The following LPAR1 variants were observed in gnomAD, a reference collection of about 807,000 sequenced individuals.
The protein encoded by LPAR1 is LPA receptor 1.
In LPAR1, 5 loss-of-function variants were observed where a neutral mutation model predicts 23.8. That is an observed-to-expected ratio of 0.21 (90% CI 0.11 to 0.44). LPAR1 has a LOEUF of 0.44. Ranked by LOEUF, LPAR1 falls within the 20% of genes least tolerant of loss-of-function variation. LPAR1 has a pLI of 0.99. For synonymous variants in LPAR1, 160 were observed against 164.7 expected, an observed-to-expected ratio of 0.97 and a Z score of 0.22; for missense variants, 311 against 482.8, an observed-to-expected ratio of 0.64 and a Z score of 3.33.
At chr9:111,023,429 C>G (rs1308328355) in intron 2 of LPAR1, among the ~76,000 whole-genome samples, 1 of 152,216 alleles carries the variant, frequency 6.6e-6, no homozygotes, top group Non-Finnish European at 1.5e-5. Context: ...CTGAATCACC[C>G]CCAAAGTCAG....
At chr9:110,977,193 G>A (rs1761350490) in intron 2 of LPAR1, among the ~76,000 whole-genome samples, 1 of 152,180 alleles carries the variant, frequency 6.6e-6, no homozygotes, top group South Asian at 2.1e-4. Context: ...CTAGTTTAGA[G>A]CGATGGGGGC....
chr9:111,007,819 A>G (rs1441493941), intron 2 of LPAR1, among the ~76,000 whole-genome samples: 1 of 152,188 alleles, frequency 6.6e-6, no homozygotes, highest in Non-Finnish European at 1.5e-5. Context: ...CCTATTGAAG[A>G]CAATCATTAC....
chr9:110,880,605 C>G (rs1031092011), intron 5 of LPAR1, among the ~76,000 whole-genome samples: 8 of 152,156 alleles, frequency 5.3e-5, no homozygotes, highest in Admixed American at 5.2e-4. Flanking sequence ...TACAAAAGAA[C>G]CAGACATCCC....
At chr9:110,916,559 G>A (rs551780288) in intron 5 of LPAR1, among the ~76,000 whole-genome samples, 1 of 151,950 alleles carries the variant, frequency 6.6e-6, no homozygotes, top group Admixed American at 6.6e-5. Flanking sequence ...TTGTGACTCA[G>A]ACCCAGGTGG....
intron 2 of LPAR1, among the ~76,000 whole-genome samples, chr9:110,980,013 T>G (rs2096635964): frequency 6.6e-6 from 1 of 152,052 alleles, no homozygotes; most frequent in Non-Finnish European, 1.5e-5. Context: ...ACAAAAAATT[T>G]GCAGAAGAGG....
chr9:110,895,496 G>A (rs927964189), intron 5 of LPAR1, among the ~76,000 whole-genome samples: 7 of 152,218 alleles, frequency 4.6e-5, no homozygotes, highest in African/African-American at 1.2e-4. Context: ...GAAACTAGGG[G>A]AGACCCACTT....
chr9:111,000,678 A>G (rs376104609), intron 2 of LPAR1, among the ~76,000 whole-genome samples: 235 of 152,302 alleles, frequency 1.5e-3, no homozygotes, highest in African/African-American at 5.4e-3. Flanking sequence ...TTAGAACTCC[A>G]AAGTCTAGGC....
intron 4 of LPAR1, among the ~76,000 whole-genome samples, chr9:110,965,307 T>C (rs1389498418): frequency 1.3e-5 from 2 of 152,200 alleles, no homozygotes; most frequent in African/African-American, 4.8e-5. Flanking sequence ...CTTTATGTTC[T>C]TGACTTAAAA....
chr9:111,031,303 T>A (rs937436901), intron 2 of LPAR1, among the ~76,000 whole-genome samples: 4 of 147,526 alleles, frequency 2.7e-5, no homozygotes, highest in African/African-American at 1.0e-4. Context: ...ACAGCTGTCA[T>A]CCCAACACTT....
intron 5 of LPAR1, among the ~76,000 whole-genome samples, chr9:110,897,899 C>T (rs2766986): frequency 0.54 from 82,447 of 151,538 alleles, 24,256 homozygotes; most frequent in East Asian, 0.83. Flanking sequence ...TTTTCATTAT[C>T]TGGGGATTAT....
In LPAR1 at chr9:110,874,320, T is replaced by C. The variant is rs1410588326; in HGVS notation, c.*1101A>G. ...TAAAATTATGTTTTTGTAAAATTTT[T>C]AATGCCATAAGAAAATGTGGCAATT... On this transcript the variant is annotated 3_prime_UTR_variant, in exon 6 of 6. Transcript: ENST00000683809. 2.0e-5 allele frequency: 3 copies of C among 152,608 alleles called. No individual in the cohort carries two copies. The highest frequency in any genetic ancestry group is 2.0e-4 in the Admixed American group (3 of 15,276). 9.5% of individuals were successfully genotyped at this position (152,608 alleles called of 1,614,324 possible).
intron 2 of LPAR1, among the ~76,000 whole-genome samples, chr9:111,021,509 A>AAAGT (rs2097559216): frequency 6.6e-6 from 1 of 152,150 alleles, no homozygotes; most frequent in Non-Finnish European, 1.5e-5. Context: ...TTTTTATAAA[A>AAAGT]TGTGGAATAT....
intron 4 of LPAR1, among the ~76,000 whole-genome samples, chr9:110,967,270 C>G (rs2096257069): frequency 6.6e-6 from 1 of 152,106 alleles, no homozygotes; most frequent in African/African-American, 2.4e-5. Context: ...AGAGTCAAGG[C>G]AGGGGTAAAG....
At chr9:110,946,873 T>G (rs1311560690) in intron 4 of LPAR1, among the ~76,000 whole-genome samples, 1 of 152,158 alleles carries the variant, frequency 6.6e-6, no homozygotes, top group African/African-American at 2.4e-5. Context: ...ACTTACTGTA[T>G]AGATAAAAAC....
At chr9:111,021,729 G>A (rs572025445) in intron 2 of LPAR1, among the ~76,000 whole-genome samples, 4 of 152,152 alleles carry the variant, frequency 2.6e-5, no homozygotes, top group Non-Finnish European at 4.4e-5. Flanking sequence ...GGGAGGCCCA[G>A]GTGGGTGGAT....
chr9:111,019,789 G>T (rs546934099), intron 2 of LPAR1, among the ~76,000 whole-genome samples: 3 of 152,280 alleles, frequency 2.0e-5, no homozygotes, highest in South Asian at 4.1e-4. Flanking sequence ...AGATTGCAGT[G>T]AGCCAAGATC....
At chr9:110,881,035 A>T (rs1189807378) in intron 5 of LPAR1, among the ~76,000 whole-genome samples, 1 of 152,228 alleles carries the variant, frequency 6.6e-6, no homozygotes, top group East Asian at 1.9e-4. Context: ...GTGTATGTGG[A>T]TGGCTTTTTG....
At chr9:110,910,528 C>A (rs2134338963) in intron 5 of LPAR1, among the ~76,000 whole-genome samples, 1 of 152,200 alleles carries the variant, frequency 6.6e-6, no homozygotes, top group South Asian at 2.1e-4. Flanking sequence ...GCCCATGGAT[C>A]AAGGAGTAAT....
chr9:111,011,223 G>A (rs1203324483), intron 2 of LPAR1, among the ~76,000 whole-genome samples: 1 of 152,172 alleles, frequency 6.6e-6, no homozygotes, highest in Non-Finnish European at 1.5e-5. Flanking sequence ...AATTCGTGTA[G>A]AGTGTCTTAA....
Sources: allele counts gnomAD v4.1 joint callset (sites outside exome capture counted in the v4.1 genomes callset), GRCh38; gene constraint gnomAD v4.1.1; transcripts MANE v1.5; gene names NCBI Gene and HGNC (gene_info 2026-07-23, HGNC 2026-07-21).